The following CA10 variants were observed in gnomAD, a reference collection of about 807,000 sequenced individuals.
CA10 encodes carbonic anhydrase-related protein 10.
CA10 carries 14 observed loss-of-function variants against 44.2 expected under a neutral mutation model. That is an observed-to-expected ratio of 0.32 (90% CI 0.21 to 0.50). The LOEUF is 0.50. CA10 is among the 20% of genes least tolerant of loss of function. The pLI is 0.99. For missense variants in CA10, 350 were observed against 409.7 expected (o/e 0.85, Z 1.26); for synonymous variants, 159 against 141.6 (o/e 1.12, Z -0.87).
chr17:52,149,274 G>A (rs1275483829), intron 1 of CA10, among the ~76,000 whole-genome samples: 1 of 152,212 alleles, frequency 6.6e-6, no homozygotes, highest in Non-Finnish European at 1.5e-5. Context: ...ATGAAGTATT[G>A]GACAAAGTTA....
chr17:52,157,813 A>T lies in CA10; in HGVS notation c.-27T>A, dbSNP rs1355021569. The T allele has an allele frequency of 1.9e-6, 3 of 1,601,952 alleles. No homozygotes were observed. The East Asian group carries it at 6.7e-5, about 36-fold the overall frequency. ...CTCTGATTCTCATTCCAAGTGCATC[A>T]CTCGACGGGAAAACGGGGGGAAGGG... On this transcript the variant is annotated 5_prime_UTR_variant, in exon 1 of 9. An upstream open reading frame in the 5' UTR loses its in-frame stop. Coordinates refer to ENST00000451037, the MANE Select transcript of CA10 (RefSeq NM_020178.5).
intron 2 of CA10, among the ~76,000 whole-genome samples, chr17:51,934,791 T>C (rs1174614221): frequency 2.0e-5 from 3 of 152,146 alleles, no homozygotes; most frequent in Non-Finnish European, 2.9e-5. Flanking sequence ...GAGAAGTCAG[T>C]GCTGTTAGGA....
chr17:51,865,114 C>T (rs759539261), intron 3 of CA10, among the ~76,000 whole-genome samples: 3 of 152,278 alleles, frequency 2.0e-5, no homozygotes, highest in African/African-American at 4.8e-5. Context: ...CTCTTCATCA[C>T]CTTCTGAAGT....
At chr17:51,651,922 C>G (rs1194851876) in intron 5 of CA10, among the ~76,000 whole-genome samples, 2 of 152,138 alleles carry the variant, frequency 1.3e-5, no homozygotes, top group African/African-American at 2.4e-5. Flanking sequence ...TGAGTGCAGC[C>G]TAGGTTGAAT....
At chr17:51,882,738 C>G (rs905801708) in intron 3 of CA10, among the ~76,000 whole-genome samples, 3 of 152,144 alleles carry the variant, frequency 2.0e-5, no homozygotes, top group Non-Finnish European at 4.4e-5. Context: ...TCTCTGCCAG[C>G]CAGAGCACCG....
chr17:51,908,640 G>A (rs1451945702), intron 3 of CA10, among the ~76,000 whole-genome samples: 4 of 152,086 alleles, frequency 2.6e-5, no homozygotes, highest in Non-Finnish European at 5.9e-5. Flanking sequence ...AAATGGGAGG[G>A]AGCCAATAGG....
intron 1 of CA10, among the ~76,000 whole-genome samples, chr17:52,097,610 C>T (rs576992857): frequency 6.6e-6 from 1 of 152,262 alleles, no homozygotes; most frequent in East Asian, 1.9e-4. Flanking sequence ...CATATCACTG[C>T]CTTACATATC....
intron 3 of CA10, among the ~76,000 whole-genome samples, chr17:51,909,881 A>G (rs986114868): frequency 3.3e-5 from 5 of 152,066 alleles, no homozygotes; most frequent in Non-Finnish European, 5.9e-5. Context: ...CACCTTCTCT[A>G]TTTTCACTGC....
chr17:51,811,286 G>A (rs997720494), intron 3 of CA10, among the ~76,000 whole-genome samples: 2 of 145,342 alleles, frequency 1.4e-5, no homozygotes, highest in Admixed American at 6.9e-5. Context: ...TGGCTAATAT[G>A]AGTGGCTGAT....
At chr17:52,062,528 C>T (rs1193544280) in intron 2 of CA10, among the ~76,000 whole-genome samples, 2 of 152,172 alleles carry the variant, frequency 1.3e-5, no homozygotes, top group Non-Finnish European at 2.9e-5. Context: ...GGCCCACAGG[C>T]CTGGGAAAAC....
chr17:51,846,396 G>A (rs1221292600), intron 3 of CA10, among the ~76,000 whole-genome samples: 4 of 152,190 alleles, frequency 2.6e-5, no homozygotes, highest in Non-Finnish European at 5.9e-5. Flanking sequence ...TGGAAACCCT[G>A]AGCTGGGGCT....
intron 4 of CA10, among the ~76,000 whole-genome samples, chr17:51,662,711 G>A (rs1418544635): frequency 3.3e-5 from 5 of 152,252 alleles, no homozygotes; most frequent in South Asian, 4.2e-4. Context: ...GGGTCTGTCC[G>A]GTGATGAGAT....
At chr17:51,744,232 T>A (rs986308590) in intron 4 of CA10, among the ~76,000 whole-genome samples, 13 of 151,822 alleles carry the variant, frequency 8.6e-5, no homozygotes, top group Non-Finnish European at 1.3e-4. Flanking sequence ...GGAGAATCGC[T>A]TGAACCCAGG....
intron 3 of CA10, among the ~76,000 whole-genome samples, chr17:51,811,181 C>T (rs1169584223): frequency 1.5e-5 from 2 of 130,958 alleles, no homozygotes; most frequent in African/African-American, 6.4e-5. Flanking sequence ...GGATGACAGA[C>T]TCCATCTCGA....
At chr17:51,632,349 G>GTA (rs1912618963) in intron 8 of CA10, among the ~76,000 whole-genome samples, 1 of 152,124 alleles carries the variant, frequency 6.6e-6, no homozygotes, top group African/African-American at 2.4e-5. Flanking sequence ...AATGAGTTAG[G>GTA]TATTTACTTT....
chr17:51,984,657 A>T lies in CA10; in HGVS notation c.137-53525T>A, dbSNP rs142372007. Among the ~76,000 whole-genome samples the T allele has an allele frequency of 9.2e-5, 14 of 152,098 alleles. No homozygotes were observed. In the South Asian group the frequency reaches 1.0e-3, roughly 11 times the overall value. ...GAAGAGAGAAAATCCAAATAACCTCACTAAGAAACAAAACAGTACATATTA... is the reference window on the plus strand; with the variant it reads ...GAAGAGAGAAAATCCAAATAACCTCTCTAAGAAACAAAACAGTACATATTA... On this transcript the variant is annotated intron_variant, in intron 2 of 8. Coordinates refer to ENST00000451037, the MANE Select transcript of CA10 (RefSeq NM_020178.5).
intron 3 of CA10, among the ~76,000 whole-genome samples, chr17:51,766,412 G>C (rs1905384357): frequency 6.6e-6 from 1 of 152,158 alleles, no homozygotes; most frequent in Admixed American, 6.5e-5. Flanking sequence ...GGTTTCACTA[G>C]CATTTTTCAA....
In CA10 at chr17:51,756,627, G is replaced by A. The variant is rs558004183; in HGVS notation, c.280-8809C>T. On this transcript the variant is annotated intron_variant, in intron 3 of 8. Transcript: ENST00000451037. ...TGGGACTACAGGCGCCCGCCACCAT[G>A]CCTGGCTAACTTTTTTTTTTTGTAT... Among the ~76,000 whole-genome samples the A allele has an allele frequency of 1.1e-4, 16 of 151,994 alleles. No individual in the cohort carries two copies. The East Asian group carries it at 2.7e-3, about 26-fold the overall frequency.
intron 2 of CA10, among the ~76,000 whole-genome samples, chr17:52,036,326 G>A (rs956047275): frequency 2.0e-5 from 3 of 152,150 alleles, no homozygotes; most frequent in Non-Finnish European, 4.4e-5. Context: ...ACTGTATCCT[G>A]GGTGCTGTGC....
Sources: allele counts gnomAD v4.1 joint callset (sites outside exome capture counted in the v4.1 genomes callset), GRCh38; gene constraint gnomAD v4.1.1; transcripts MANE v1.5; gene names NCBI Gene and HGNC (gene_info 2026-07-23, HGNC 2026-07-21).